Variants in CAMK2D observed in about 807,000 individuals in gnomAD.
CAMK2D encodes calcium/calmodulin-dependent protein kinase type II subunit delta.
Under a neutral mutation model 84.0 loss-of-function variants are expected in CAMK2D, and 37 were observed. That is an observed-to-expected ratio of 0.44 (90% CI 0.34 to 0.58). CAMK2D has a LOEUF of 0.58. Ranked by LOEUF, CAMK2D falls within the 20% of genes least tolerant of loss-of-function variation. The probability of loss-of-function intolerance (pLI) is 0.02; values close to 1 mark genes in which losing one functional copy is unlikely to be tolerated. For missense variants in CAMK2D, 448 were observed against 652.5 expected (o/e 0.69, Z 3.41); for synonymous variants, 202 against 212.5 (o/e 0.95, Z 0.43).
chr4:113,567,168 C>CTT (rs1317760050), intron 4 of CAMK2D, among the ~76,000 whole-genome samples: 122 of 129,372 alleles, frequency 9.4e-4, no homozygotes, highest in South Asian at 1.7e-3. Flanking sequence ...TTTTCTTTTC[C>CTT]TTTTTTTTTT....
chr4:113,573,067 C>A (rs763432181), intron 4 of CAMK2D, among the ~76,000 whole-genome samples: 1 of 151,872 alleles, frequency 6.6e-6, no homozygotes, highest in Non-Finnish European at 1.5e-5. Flanking sequence ...GAGGAGGAAG[C>A]GGAGAAGAAA....
chr4:113,562,993 C>CTTTTGGG (rs1180799929), intron 4 of CAMK2D, among the ~76,000 whole-genome samples: 1 of 152,148 alleles, frequency 6.6e-6, no homozygotes, highest in African/African-American at 2.4e-5. Context: ...CACAGTGGCT[C>CTTTTGGG]ACACCTGTAA....
At chr4:113,543,006 G>T (rs1008968364) in intron 6 of CAMK2D, among the ~76,000 whole-genome samples, 1 of 152,200 alleles carries the variant, frequency 6.6e-6, no homozygotes, top group African/African-American at 2.4e-5. Context: ...GTTGCTAAAA[G>T]ATTCAGTTGT....
At chr4:113,633,125 G>A (rs78558465) in intron 3 of CAMK2D, among the ~76,000 whole-genome samples, 1,599 of 152,268 alleles carry the variant, frequency 0.011, 43 homozygotes, top group African/African-American at 0.037. Flanking sequence ...GAAACTAAAC[G>A]TAGGCATTAA....
intron 4 of CAMK2D, among the ~76,000 whole-genome samples, chr4:113,554,966 A>G (rs1469867639): frequency 3.1e-5 from 3 of 96,488 alleles, no homozygotes; most frequent in East Asian, 2.4e-4. Context: ...AAAAAAAAAG[A>G]TAACTCTAGA....
intron 3 of CAMK2D, among the ~76,000 whole-genome samples, chr4:113,641,951 G>C (rs1055428819): frequency 1.2e-4 from 18 of 151,912 alleles, no homozygotes; most frequent in African/African-American, 4.3e-4. Context: ...TGGAGGTTGC[G>C]GTGAGTCAAG....
rs1273049526 is a variant in CAMK2D at position 113,655,308 on chromosome 4, T to G, written c.220+6405A>C. 3.9e-5 allele frequency among the ~76,000 whole-genome samples: 6 copies of G among 151,978 alleles called. No individual in the cohort carries two copies. In the South Asian group the frequency reaches 1.0e-3, roughly 26 times the overall value. ...TCTTATTATCTGTTACACTTTGTAGTGTATGAGTGAGTGTGTTTATGCATT... is the reference window on the plus strand; with the variant it reads ...TCTTATTATCTGTTACACTTTGTAGGGTATGAGTGAGTGTGTTTATGCATT... On this transcript the variant is annotated intron_variant, in intron 3 of 20. Transcript: ENST00000511664.
At chr4:113,523,854 G>GT (rs2098394646) in intron 8 of CAMK2D, among the ~76,000 whole-genome samples, 2 of 151,500 alleles carry the variant, frequency 1.3e-5, no homozygotes, top group African/African-American at 2.4e-5. Flanking sequence ...TTTTTTTGTT[G>GT]TTTTTTTGTT....
intron 2 of CAMK2D, among the ~76,000 whole-genome samples, chr4:113,694,867 A>C (rs189365843): frequency 1.3e-5 from 2 of 152,288 alleles, no homozygotes; most frequent in Admixed American, 6.5e-5. Context: ...TGAGGCCAGA[A>C]ACTTTTAGTA....
intron 16 of CAMK2D, among the ~76,000 whole-genome samples, chr4:113,489,970 C>G (rs1304600361): frequency 6.6e-6 from 1 of 151,304 alleles, no homozygotes; most frequent in Admixed American, 6.6e-5. Flanking sequence ...ATATCCTTTG[C>G]CCACTTTTTG....
chr4:113,560,502 T>G (rs2098693206), intron 4 of CAMK2D, among the ~76,000 whole-genome samples: 6 of 152,186 alleles, frequency 3.9e-5, no homozygotes, highest in Admixed American at 3.9e-4. Flanking sequence ...AAAGCCATAA[T>G]CCTTAAGACC....
At chr4:113,584,211 G>T (rs1045672876) in intron 4 of CAMK2D, among the ~76,000 whole-genome samples, 3 of 152,192 alleles carry the variant, frequency 2.0e-5, no homozygotes, top group Admixed American at 2.0e-4. Flanking sequence ...GGATTAGGTT[G>T]TACAAGAACC....
Position 113,761,444 on chromosome 4 carries a change from T to C in CAMK2D, c.-376A>G, listed in dbSNP as rs528965887. 247 of 1,172,530 alleles carry C rather than the reference T, an allele frequency of 2.1e-4. 1 individual carries two copies. The African/African-American group carries it at 3.5e-3, about 17-fold the overall frequency. The allele number at this position is 1,172,530 out of a possible 1,614,324, so 72.6% of individuals were successfully genotyped here. On this transcript the variant is annotated 5_prime_UTR_variant, in exon 1 of 21. Transcript: ENST00000511664. The stretch of plus-strand genomic sequence containing the variant: ...CAGGCACGGGACGAGTGGCAAGCAG[T>C]TGCGAAACGATCCGCACTGGAGCAG...
intron 16 of CAMK2D, among the ~76,000 whole-genome samples, chr4:113,487,671 T>G (rs1279370536): frequency 1.3e-5 from 2 of 152,082 alleles, no homozygotes; most frequent in East Asian, 3.8e-4. Flanking sequence ...ATAGTGCTAT[T>G]GATAACATTT....
intron 16 of CAMK2D, among the ~76,000 whole-genome samples, chr4:113,471,801 T>A (rs2097549617): frequency 6.6e-6 from 1 of 151,458 alleles, no homozygotes; most frequent in African/African-American, 2.4e-5. Flanking sequence ...CCCCACCCCT[T>A]TAAGGTTTCT....
intron 16 of CAMK2D, among the ~76,000 whole-genome samples, chr4:113,474,947 G>A (rs1209568786): frequency 6.6e-6 from 1 of 152,076 alleles, no homozygotes; most frequent in Non-Finnish European, 1.5e-5. Context: ...GTGCCTGGCG[G>A]AGAGTTAATT....
intron 3 of CAMK2D, among the ~76,000 whole-genome samples, chr4:113,627,992 C>T (rs2099074672): frequency 6.6e-6 from 1 of 152,194 alleles, no homozygotes; most frequent in Non-Finnish European, 1.5e-5. Flanking sequence ...TTCTTATCAA[C>T]TGATCATGGC....
At chr4:113,632,972 T>G (rs1274864760) in intron 3 of CAMK2D, among the ~76,000 whole-genome samples, 1 of 152,260 alleles carries the variant, frequency 6.6e-6, no homozygotes, top group Non-Finnish European at 1.5e-5. Flanking sequence ...AAAAGGTAAT[T>G]TGTTTTCTTA....
chr4:113,567,614 A>G (rs1262587929), intron 4 of CAMK2D, among the ~76,000 whole-genome samples: 1 of 152,216 alleles, frequency 6.6e-6, no homozygotes, highest in Non-Finnish European at 1.5e-5. Flanking sequence ...CAAAGCAAAT[A>G]TGGATGAAAT....
Sources: allele counts gnomAD v4.1 joint callset (sites outside exome capture counted in the v4.1 genomes callset), GRCh38; gene constraint gnomAD v4.1.1; transcripts MANE v1.5; gene names NCBI Gene and HGNC (gene_info 2026-07-23, HGNC 2026-07-21).